EML2: variants seen among roughly 807,000 people sequenced by gnomAD.
EML2 encodes echinoderm microtubule-associated protein-like 2.
In EML2, 59 loss-of-function variants were observed where a neutral mutation model predicts 84.7. The ratio of observed to expected loss-of-function variants is 0.70; its 90% CI spans 0.56 to 0.86. EML2 has a LOEUF of 0.86. Ranked by LOEUF, EML2 falls within the 40% of genes least tolerant of loss-of-function variation. The pLI is 0.00. For missense variants in EML2, 818 were observed against 855.6 expected (o/e 0.96, Z 0.55); for synonymous variants, 352 against 348.9 (o/e 1.01, Z -0.10).
intron 12 of EML2, 106 bp downstream of exon 12, chr19:45,618,954 A>G (rs1971390765): frequency 7.7e-7 from 1 of 1,303,580 alleles, no homozygotes; most frequent in East Asian, 2.7e-5. Context: ...CTCGAAGAAA[A>G]AAAAAAAAAG....
upstream of EML2, chr19:45,645,369 C>G (rs891514074): frequency 2.6e-6 from 4 of 1,524,882 alleles, no homozygotes; most frequent in East Asian, 2.5e-5. Flanking sequence ...CCGGCCCCCC[C>G]GGTCCCAGCC....
At position 45,616,755 on chromosome 19, in the gene EML2, T is replaced by C; in HGVS notation, c.1411+10A>G. The C allele has an allele frequency of 1.2e-6, 2 of 1,611,278 alleles. No individual in the cohort carries two copies. The highest frequency in any genetic ancestry group is 2.2e-5 in the East Asian group (1 of 44,830). On this transcript the variant is annotated intron_variant, in intron 14 of 18. Coordinates refer to ENST00000245925, the MANE Select transcript of EML2 (RefSeq NM_012155.4). Reference sequence around the variant, plus strand: ...CCCTGCCGCTTGGGTGTCCCAGGCCTGCCGCTTACCTGGGGAGAAGCTGAC... The same window carrying C: ...CCCTGCCGCTTGGGTGTCCCAGGCCCGCCGCTTACCTGGGGAGAAGCTGAC...
At chr19:45,638,821 G>C in intron 2 of EML2, 24 bp downstream of exon 2, 1 of 1,613,234 alleles carries the variant, frequency 6.2e-7, no homozygotes, top group Non-Finnish European at 8.5e-7. Flanking sequence ...CTTCCACCGA[G>C]CCCTTCCCCA....
rs749291452 is a variant in EML2 at position 45,638,557 on chromosome 19, T to A, written c.127A>T (p.Ser43Cys). Residue 43 changes from serine to cysteine, a missense_variant, in exon 3 of 19, where the codon AGC becomes TGC. By Grantham distance (112) the Ser-to-Cys change is moderately radical. Transcript: ENST00000245925. Reference sequence around the variant, plus strand: ...GGCAGCTCCGAGCGTGTGTCCAGGCTGTAGGTGGGTGCCAGCTCGTCTGGG... The same window carrying A: ...GGCAGCTCCGAGCGTGTGTCCAGGCAGTAGGTGGGTGCCAGCTCGTCTGGG... ...MIPDELAPTY[S>C]LDTRSELPSC... is the part of the protein sequence containing the mutation. The A allele has an allele frequency of 6.2e-7, 1 of 1,614,098 alleles. No individual in the cohort carries two copies. The highest frequency in any genetic ancestry group is 1.1e-5 in the South Asian group (1 of 91,080).
chr19:45,617,911 C>T (rs780220441), intron 12 of EML2, among the ~76,000 whole-genome samples: 3 of 152,194 alleles, frequency 2.0e-5, no homozygotes, highest in African/African-American at 7.2e-5. Flanking sequence ...CCTCCTGTCA[C>T]TCCTGTCCCG....
intron 2 of EML2, 34 bp from the exon 3 acceptor site, chr19:45,638,668 A>G (rs1974067205): frequency 1.2e-6 from 2 of 1,609,860 alleles, no homozygotes; most frequent in Non-Finnish European, 1.7e-6. Context: ...AGGCACTGAC[A>G]CCAGCCCCAT....
chr19:45,622,565 G>A (rs1971837494), intron 9 of EML2, among the ~76,000 whole-genome samples: 1 of 152,064 alleles, frequency 6.6e-6, no homozygotes, highest in Non-Finnish European at 1.5e-5. Context: ...GGAGTAGCTG[G>A]GATTACAGGC....
At chr19:45,636,979 C>T (rs1168705843) in intron 3 of EML2, among the ~76,000 whole-genome samples, 2 of 152,214 alleles carry the variant, frequency 1.3e-5, no homozygotes, top group Non-Finnish European at 2.9e-5. Context: ...ATATCCTGAC[C>T]CCATGAAACT....
chr19:45,611,042 GAATA>G (rs1424213720), intron 18 of EML2, among the ~76,000 whole-genome samples: 1 of 152,118 alleles, frequency 6.6e-6, no homozygotes, highest in Non-Finnish European at 1.5e-5. Context: ...AGGGAAATAT[GAATA>G]TGTACTGGCT....
intron 1 of EML2, 38 bp downstream of exon 1, chr19:45,639,319 G>A (rs1183291206): frequency 7.4e-7 from 1 of 1,349,240 alleles, no homozygotes; most frequent in Non-Finnish European, 9.6e-7. Flanking sequence ...CCGGGAGCGC[G>A]GAGAGGAGAT....
Position 45,638,654 on chromosome 19 carries a change from G to T in EML2, c.50-20C>A. On this transcript the variant is annotated intron_variant, in intron 2 of 18. Transcript: ENST00000245925. Reference sequence around the variant, plus strand: ...CATCCTCTGCCAGGACACCCCCAGAGGTCAGGCACTGACACCAGCCCCATC... The same window carrying T: ...CATCCTCTGCCAGGACACCCCCAGATGTCAGGCACTGACACCAGCCCCATC... The T allele has an allele frequency of 6.2e-7, 1 of 1,612,106 alleles. No individual in the cohort carries two copies. Among genetic ancestry groups the T allele is most frequent in the Non-Finnish European group, 8.5e-7 (1 of 1,178,858 alleles).
intron 13 of EML2, among the ~76,000 whole-genome samples, 167 bp downstream of exon 13, chr19:45,617,463 C>T (rs1182551294): frequency 2.0e-5 from 3 of 152,142 alleles, no homozygotes; most frequent in Non-Finnish European, 4.4e-5. Flanking sequence ...GAGGCTGAGG[C>T]AGGCAAATCG....
At chr19:45,645,330 G>A, upstream of EML2, 1 of 1,532,246 alleles carries the variant, frequency 6.5e-7, no homozygotes, top group Middle Eastern at 1.8e-4. Context: ...GCCGGGCCGC[G>A]CTCCGCCATC....
At chr19:45,629,492 T>C (rs913748348) in intron 7 of EML2, among the ~76,000 whole-genome samples, 1 of 151,966 alleles carries the variant, frequency 6.6e-6, no homozygotes, top group African/African-American at 2.4e-5. Flanking sequence ...GCCCAGCTAA[T>C]TTTGTATTTT....
Position 45,626,740 on chromosome 19 carries a change from C to T in EML2, c.706G>A (p.Gly236Arg), listed in dbSNP as rs756603454. 6.2e-7 allele frequency: 1 copy of T among 1,613,882 alleles called. No homozygotes were observed. The highest frequency in any genetic ancestry group is 8.5e-7 in the Non-Finnish European group (1 of 1,179,902). The change falls in exon 8 of 19, where the codon GGG becomes AGG. Residue 236 changes from glycine (G) to arginine (R), a missense_variant. Gly to Arg is a moderately radical substitution (Grantham distance 125). Coordinates refer to ENST00000245925, the MANE Select transcript of EML2 (RefSeq NM_012155.4). Reference protein sequence around the residue: ...KSHIYFWTLEGGSLSKRQGLF... With the variant: ...KSHIYFWTLERGSLSKRQGLF... ...CCTTGCCGCTTGCTCAAGCTGCCCCCCTCCAAGGTCCAGAAGTAGATGTGA... is the reference window on the plus strand; with the variant it reads ...CCTTGCCGCTTGCTCAAGCTGCCCCTCTCCAAGGTCCAGAAGTAGATGTGA...
Position 45,626,835 on chromosome 19 carries a change from G to A in EML2, c.611C>T (p.Ser204Phe), listed in dbSNP as rs751003514. Residue 204 changes from serine (S) to phenylalanine (F), a missense_variant, in exon 8 of 19, where the codon TCC (serine) becomes TTC (phenylalanine). Coordinates refer to ENST00000245925, the MANE Select transcript of EML2 (RefSeq NM_012155.4). ...KETKVVDVKC[S>F]NEAVLVATFH... ...GGTGGCCACCAATACAGCCTCATTG[G>A]AGCACTTTGGGGGGTGGGGGAGATT... The A allele has an allele frequency of 1.9e-6, 3 of 1,611,920 alleles. No homozygotes were observed. The South Asian group carries it at 3.3e-5, about 18-fold the overall frequency.
chr19:45,643,702 G>A (rs1310781755), upstream of EML2: 1 of 1,534,986 alleles, frequency 6.5e-7, no homozygotes, highest in East Asian at 2.4e-5. Flanking sequence ...CACAGGCCGC[G>A]CAGCTGGCCC....
intron 11 of EML2, chr19:45,620,995 T>G: frequency 1.4e-6 from 1 of 693,970 alleles, no homozygotes; most frequent in Non-Finnish European, 2.6e-6. Flanking sequence ...GGCAGCACAG[T>G]TGGAGCAGGG....
chr19:45,635,791 C>T (rs896726702), intron 3 of EML2, among the ~76,000 whole-genome samples: 7 of 151,154 alleles, frequency 4.6e-5, no homozygotes, highest in African/African-American at 1.2e-4. Context: ...AGGGTTTCTC[C>T]ATGTTGGTCA....
Sources: allele counts gnomAD v4.1 joint callset (sites outside exome capture counted in the v4.1 genomes callset), GRCh38; gene constraint gnomAD v4.1.1; transcripts MANE v1.5; gene names NCBI Gene and HGNC (gene_info 2026-07-23, HGNC 2026-07-21).